BICDL1: variants seen among roughly 807,000 people sequenced by gnomAD.
BICDL1 encodes the protein BICD family like cargo adaptor 1.
In BICDL1, 20 loss-of-function variants were observed where a neutral mutation model predicts 76.8. The observed-to-expected ratio is 0.26, with a 90% CI of 0.18 to 0.38. BICDL1 has a LOEUF of 0.38. BICDL1 is among the 10% of genes least tolerant of loss of function. The probability of loss-of-function intolerance (pLI) is 1.00; values close to 1 mark genes in which losing one functional copy is unlikely to be tolerated. For synonymous variants in BICDL1, 383 were observed against 337.1 expected (o/e 1.14, Z -1.49); for missense variants, 700 against 798.6 (o/e 0.88, Z 1.49).
rs373149818 is a variant in BICDL1, at chr12:120,023,445, T to C, written c.645+24709T>C. Among the ~76,000 whole-genome samples, 15 of 152,160 alleles carry C rather than the reference T, an allele frequency of 9.9e-5. No homozygotes were observed. The East Asian group carries it at 1.3e-3, about 14-fold the overall frequency. On this transcript the variant is annotated intron_variant, in intron 2 of 9. Coordinates refer to ENST00000548673, the MANE Select transcript of BICDL1 (RefSeq NM_001367886.1). Reference sequence around the variant, plus strand: ...AAAAGGCTATGGGAACACAAAAATATTGAACACCTAACATGGTAAAATTCA... The same window carrying C: ...AAAAGGCTATGGGAACACAAAAATACTGAACACCTAACATGGTAAAATTCA...
At chr12:120,089,197 A>T (rs1874715104) in intron 8 of BICDL1, among the ~76,000 whole-genome samples, 1 of 152,210 alleles carries the variant, frequency 6.6e-6, no homozygotes, top group South Asian at 2.1e-4. Flanking sequence ...AAGGATGAGT[A>T]GCTCCTTTAT....
intron 2 of BICDL1, chr12:120,056,922 G>C (rs1332759711): frequency 3.0e-6 from 1 of 328,618 alleles, no homozygotes; most frequent in Non-Finnish European, 5.9e-6. Context: ...GCCTGCCCTT[G>C]ATGCAGGTTA....
intron 2 of BICDL1, among the ~76,000 whole-genome samples, chr12:120,037,029 T>A (rs1356627390): frequency 6.6e-6 from 1 of 152,234 alleles, no homozygotes; most frequent in Admixed American, 6.5e-5. Flanking sequence ...AGTGTTTTAA[T>A]ATATGTGTTT....
intron 2 of BICDL1, among the ~76,000 whole-genome samples, chr12:120,033,357 G>A (rs1350492308): frequency 2.9e-5 from 3 of 104,816 alleles, no homozygotes; most frequent in Non-Finnish European, 5.4e-5. Flanking sequence ...TTCCTGTGGA[G>A]AGTTCTTGCC....
chr12:120,062,451 C>T (rs943644289), intron 3 of BICDL1, among the ~76,000 whole-genome samples: 17 of 152,036 alleles, frequency 1.1e-4, no homozygotes, highest in African/African-American at 3.9e-4. Flanking sequence ...GGGAGGCTTC[C>T]ACCTGGTCTG....
At chr12:120,023,484 CCAAT>C (rs1405201048) in intron 2 of BICDL1, among the ~76,000 whole-genome samples, 2 of 152,162 alleles carry the variant, frequency 1.3e-5, no homozygotes, top group South Asian at 2.1e-4. Flanking sequence ...TGTCTGACAT[CCAAT>C]CAAAGATTCT....
In BICDL1 at chr12:119,996,681, TAC is replaced by T. The variant is rs10545057; in HGVS notation, c.430-1819_430-1818del. Among the ~76,000 whole-genome samples, 200 of 149,774 alleles carry T rather than the reference TAC, an allele frequency of 1.3e-3. 1 individual carries two copies. The highest frequency in any genetic ancestry group is 4.1e-3 in the East Asian group (21 of 5,082). On this transcript the variant is annotated intron_variant, in intron 1 of 9. Coordinates refer to ENST00000548673, the MANE Select transcript of BICDL1 (RefSeq NM_001367886.1). The stretch of plus-strand genomic sequence containing the variant: ...AACCCAGTATATATACATATACAGA[TAC>T]ACACACACACACACACACACGCATA...
At chr12:120,036,161 C>G (rs1952527082) in intron 2 of BICDL1, among the ~76,000 whole-genome samples, 1 of 152,210 alleles carries the variant, frequency 6.6e-6, no homozygotes, top group Non-Finnish European at 1.5e-5. Context: ...GACATACAGT[C>G]TGGTGCACAT....
chr12:120,075,898 C>A (rs1392777624), intron 7 of BICDL1, among the ~76,000 whole-genome samples: 1 of 152,236 alleles, frequency 6.6e-6, no homozygotes, highest in Non-Finnish European at 1.5e-5. Flanking sequence ...GTGGCTCACG[C>A]CTGTAATCCC....
At chr12:120,039,498 C>T (rs571325023) in intron 2 of BICDL1, among the ~76,000 whole-genome samples, 5 of 150,940 alleles carry the variant, frequency 3.3e-5, no homozygotes, top group Admixed American at 2.0e-4. Flanking sequence ...ATTAGCTGGG[C>T]GTGGTGGTGC....
At chr12:120,000,770 G>A (rs1951743518) in intron 2 of BICDL1, among the ~76,000 whole-genome samples, 1 of 152,152 alleles carries the variant, frequency 6.6e-6, no homozygotes, top group Admixed American at 6.5e-5. Context: ...ATTAACTGGG[G>A]GACCTTGTTT....
chr12:120,093,951 C>T lies in BICDL1; in HGVS notation c.*790C>T. On this transcript the variant is annotated 3_prime_UTR_variant, in exon 10 of 10. Coordinates refer to ENST00000548673, the MANE Select transcript of BICDL1 (RefSeq NM_001367886.1). ...CAGGGCTGGGGTTGGACGGGGTCTCCTCCTCCCACAGCTCCCTCCTCCACC... is the reference window on the plus strand; with the variant it reads ...CAGGGCTGGGGTTGGACGGGGTCTCTTCCTCCCACAGCTCCCTCCTCCACC... 1 of 324,950 alleles carries T rather than the reference C, an allele frequency of 3.1e-6. No individual in the cohort carries two copies. Among genetic ancestry groups the T allele is most frequent in the Middle Eastern group, 1.1e-3 (1 of 878 alleles). 20.1% of individuals were successfully genotyped at this position (324,950 alleles called of 1,614,324 possible).
chr12:120,092,375 C>T, intron 9 of BICDL1: 1 of 985,480 alleles, frequency 1.0e-6, no homozygotes, highest in Non-Finnish European at 1.2e-6. Flanking sequence ...TGCAGGACAG[C>T]CCCTGAAGAC....
intron 2 of BICDL1, among the ~76,000 whole-genome samples, chr12:120,012,010 T>A (rs1354251259): frequency 6.6e-6 from 1 of 152,220 alleles, no homozygotes; most frequent in Admixed American, 6.5e-5. Context: ...GCGATCTCTG[T>A]TGGAAAGAAA....
chr12:120,074,366 TA>T, intron 6 of BICDL1, 76 bp from the exon 7 acceptor site: 1 of 950,496 alleles, frequency 1.1e-6, no homozygotes. Flanking sequence ...TCTCCCCGAC[TA>T]ACCATCTCTC....
chr12:120,015,674 T>A (rs1952046499), intron 2 of BICDL1, among the ~76,000 whole-genome samples: 1 of 152,246 alleles, frequency 6.6e-6, no homozygotes, highest in Non-Finnish European at 1.5e-5. Context: ...ACAAGCCAGC[T>A]AAGCATATGT....
At chr12:120,050,420 C>T (rs1952833816) in intron 2 of BICDL1, among the ~76,000 whole-genome samples, 1 of 150,800 alleles carries the variant, frequency 6.6e-6, no homozygotes, top group African/African-American at 2.4e-5. Context: ...GTGCCCGCCA[C>T]CACGCCCAGC....
intron 2 of BICDL1, among the ~76,000 whole-genome samples, chr12:120,025,135 C>T (rs1216991541): frequency 6.6e-5 from 10 of 151,520 alleles, no homozygotes; most frequent in African/African-American, 2.4e-4. Context: ...CTGCAGGCTC[C>T]GCCCCCTGGG....
intron 9 of BICDL1, chr12:120,090,295 A>G (rs898500512): frequency 2.0e-6 from 1 of 505,118 alleles, no homozygotes. Flanking sequence ...TGCTGTCTGG[A>G]GATGTAGTGA....
Sources: allele counts gnomAD v4.1 joint callset (sites outside exome capture counted in the v4.1 genomes callset), GRCh38; gene constraint gnomAD v4.1.1; transcripts MANE v1.5; gene names NCBI Gene and HGNC (gene_info 2026-07-23, HGNC 2026-07-21).